Variants in THTPA observed in about 807,000 individuals in gnomAD.
THTPA encodes thiamine-triphosphatase.
Under a neutral mutation model 16.5 loss-of-function variants are expected in THTPA, and 16 were observed. The ratio of observed to expected loss-of-function variants is 0.97; its 90% CI spans 0.66 to 1.47. The LOEUF (loss-of-function observed/expected upper bound fraction) is 1.47. Among genes scored for constraint, THTPA ranks in the 40% most tolerant of loss-of-function variants. The pLI is 0.00. For missense variants in THTPA, 281 were observed against 280.9 expected, an observed-to-expected ratio of 1.00 and a Z score of 0.00; for synonymous variants, 110 against 115.5, an observed-to-expected ratio of 0.95 and a Z score of 0.30.
the THTPA span, chr14:23,522,112 T>C: frequency 6.5e-7 from 1 of 1,534,404 alleles, no homozygotes; most frequent in Non-Finnish European, 8.7e-7. Flanking sequence ...GAGGTGGGGC[T>C]GCCTTGCGCC....
the THTPA span, chr14:23,521,418 G>C: frequency 6.5e-6 from 1 of 153,472 alleles, no homozygotes; most frequent in African/African-American, 2.4e-5. Flanking sequence ...TCTAGACAAA[G>C]GGTTAGGAAG....
At chr14:23,533,865 A>G in the THTPA span, 1 of 1,538,358 alleles carries the variant, frequency 6.5e-7, no homozygotes, top group Admixed American at 2.0e-5. The surrounding 1 kb of genome is among the most constrained non-coding windows in gnomAD (Gnocchi z 4.8). Context: ...CGCCCCCAGC[A>G]CTGCAGTAGC....
chr14:23,524,064 T>G, the THTPA span: 4 of 1,519,824 alleles, frequency 2.6e-6, no homozygotes, highest in Non-Finnish European at 3.5e-6. The surrounding 1 kb of genome is among the most constrained non-coding windows in gnomAD (Gnocchi z 5.6). Context: ...GCTTCCCTCT[T>G]TGGGGCTTCC....
the THTPA span, chr14:23,522,829 G>C: frequency 6.5e-7 from 1 of 1,535,132 alleles, no homozygotes; most frequent in South Asian, 1.2e-5. Context: ...TGTTGGTTTG[G>C]TCGGGCATGG....
At chr14:23,529,711 G>A in the THTPA span, 24 of 1,536,012 alleles carry the variant, frequency 1.6e-5, no homozygotes, top group Non-Finnish European at 1.9e-5. Flanking sequence ...AATTCTGACC[G>A]TGGTCTGGTT....
the THTPA span, chr14:23,531,392 C>CT: frequency 7.5e-7 from 1 of 1,329,650 alleles, no homozygotes. Context: ...CTTCGCCTTC[C>CT]TTGTATCTCT....
At chr14:23,549,896 A>G in the THTPA span, among the ~76,000 whole-genome samples, 2 of 152,224 alleles carry the variant, frequency 1.3e-5, no homozygotes, top group African/African-American at 4.8e-5. Context: ...AGGAAAAGGG[A>G]TAAAAGAAAC....
chr14:23,556,463 C>T lies in THTPA; in HGVS notation c.-295C>T. The stretch of plus-strand genomic sequence containing the variant: ...GAGAGGGGGGCGTTGAAAGGACACC[C>T]GCTACCCGGCCTGCTTTCTAGGGGT... On this transcript the variant is annotated 5_prime_UTR_variant, in exon 1 of 2. Coordinates refer to ENST00000288014, the MANE Select transcript of THTPA (RefSeq NM_024328.6). The T allele has an allele frequency of 2.7e-6, 1 of 373,510 alleles. No homozygotes were observed. Among genetic ancestry groups the T allele is most frequent in the Non-Finnish European group, 4.8e-6 (1 of 206,394 alleles). The allele number at this position is 373,510 out of a possible 1,614,324, so 23.1% of individuals were successfully genotyped here.
At chr14:23,527,435 G>A in the THTPA span, among the ~76,000 whole-genome samples, 1 of 151,934 alleles carries the variant, frequency 6.6e-6, no homozygotes, top group Admixed American at 6.6e-5. Context: ...CTCCTGGATG[G>A]CCCTAACAAG....
chr14:23,533,178 C>A, the THTPA span: 1 of 1,441,186 alleles, frequency 6.9e-7, no homozygotes, highest in South Asian at 1.5e-5. This position sits in a 1 kb window ranked among gnomAD's most constrained non-coding sequence, Gnocchi z 4.8. Flanking sequence ...GGATAGTGCT[C>A]AGAGGGACTT....
At chr14:23,533,272 C>T in the THTPA span, 1 of 1,436,298 alleles carries the variant, frequency 7.0e-7, no homozygotes, top group South Asian at 1.5e-5. The surrounding 1 kb of genome is among the most constrained non-coding windows in gnomAD (Gnocchi z 4.8). Flanking sequence ...AGGGAAGAAG[C>T]ACAGAAGCTT....
the THTPA span, chr14:23,524,257 C>A: frequency 5.2e-6 from 8 of 1,536,374 alleles, no homozygotes; most frequent in Non-Finnish European, 7.0e-6. The surrounding 1 kb of genome is among the most constrained non-coding windows in gnomAD (Gnocchi z 5.6). Context: ...GCTTTTTGAG[C>A]CCCACCTCCT....
At chr14:23,535,171 C>T in the THTPA span, 51 of 1,534,686 alleles carry the variant, frequency 3.3e-5, no homozygotes, top group Non-Finnish European at 4.2e-5. This position sits in a 1 kb window ranked among gnomAD's most constrained non-coding sequence, Gnocchi z 4.5. Context: ...CTCTGAGGAC[C>T]TCATGTTCTC....
chr14:23,559,654 G>A lies in THTPA; in HGVS notation c.*814G>A, dbSNP rs1272544744. 5 of 1,118,918 alleles carry A rather than the reference G, an allele frequency of 4.5e-6. No homozygotes were observed. Among genetic ancestry groups the A allele is most frequent in the South Asian group, 3.9e-5 (3 of 76,090 alleles). 69.3% of individuals were successfully genotyped at this position (1,118,918 alleles called of 1,614,324 possible). The stretch of plus-strand genomic sequence containing the variant: ...AGTTTTTGCAGTGCAAAGCCAGAGC[G>A]CCACCTGCTGGTAGCCCTCAGGTGT... On this transcript the variant is annotated 3_prime_UTR_variant, in exon 2 of 2. Transcript: ENST00000288014.
the THTPA span, chr14:23,531,535 G>C: frequency 2.0e-6 from 3 of 1,514,432 alleles, no homozygotes; most frequent in Non-Finnish European, 2.6e-6. Context: ...AGAGCTGCGA[G>C]TCCTTCCTCA....
At chr14:23,543,636 C>T in the THTPA span, 1 of 152,286 alleles carries the variant, frequency 6.6e-6, no homozygotes, top group Non-Finnish European at 1.5e-5. Flanking sequence ...TGGCCATGCC[C>T]TGTGTGAAGG....
the THTPA span, among the ~76,000 whole-genome samples, chr14:23,517,700 T>G: frequency 3.9e-5 from 6 of 151,908 alleles, no homozygotes; most frequent in South Asian, 4.1e-4. Flanking sequence ...GTGTGTGTGT[T>G]TGTTTGTTTG....
the THTPA span, chr14:23,533,749 T>A: frequency 6.4e-7 from 1 of 1,556,726 alleles, no homozygotes; most frequent in Non-Finnish European, 8.6e-7. The surrounding 1 kb of genome is among the most constrained non-coding windows in gnomAD (Gnocchi z 4.8). Flanking sequence ...AGACTGCATA[T>A]GGATGCTGAG....
the THTPA span, chr14:23,522,857 C>A: frequency 1.3e-6 from 2 of 1,524,394 alleles, no homozygotes; most frequent in Non-Finnish European, 1.8e-6. Context: ...AGGTAAGGGG[C>A]GGCCTGGGCC....
Sources: gnomAD v4.1 joint callset for allele counts (sites outside exome capture counted in the v4.1 genomes callset) on GRCh38, gnomAD v4.1.1 for gene constraint, Gnocchi (gnomAD v3.1) non-coding constraint, MANE v1.5 for transcripts, NCBI Gene and HGNC (gene_info 2026-07-23, HGNC 2026-07-21) for gene names.